The following KIF13A variants were observed in gnomAD, a reference collection of about 807,000 sequenced individuals.
The protein encoded by KIF13A is kinesin-like protein KIF13A.
Under a neutral mutation model 212.2 loss-of-function variants are expected in KIF13A, and 79 were observed. The ratio of observed to expected loss-of-function variants is 0.37; its 90% CI spans 0.31 to 0.45. KIF13A has a LOEUF of 0.45. Ranked by LOEUF, KIF13A falls within the 20% of genes least tolerant of loss-of-function variation. The pLI is 1.00. For synonymous variants in KIF13A, 789 were observed against 808.6 expected (o/e 0.98, Z 0.41); for missense variants, 1,901 against 2,209.0 (o/e 0.86, Z 2.79).
rs904983311 is a variant in KIF13A at position 17,899,343 on chromosome 6, T to C, written c.147-1163A>G. Among the ~76,000 whole-genome samples the C allele has an allele frequency of 2.0e-5, 3 of 152,208 alleles. No homozygotes were observed. The highest frequency in any genetic ancestry group is 4.4e-5 in the Non-Finnish European group (3 of 68,036). On this transcript the variant is annotated intron_variant, in intron 2 of 38. Coordinates refer to ENST00000259711, the MANE Select transcript of KIF13A (RefSeq NM_022113.6). This position sits in a 1 kb window ranked among gnomAD's most constrained non-coding sequence, Gnocchi z 5.2. The stretch of plus-strand genomic sequence containing the variant: ...AAAAGAAATGGGGGCATTTACCCCA[T>C]GGCTTTAATCATTCTTCATAGGAAA...
At position 17,951,436 on chromosome 6, in the gene KIF13A, TTA is replaced by T; in HGVS notation, c.146+35616_146+35617del. ...GTGAGCCACTGTGACCAGCCTCAAT[TTA>T]AAAAAAAAAAAAAAACAGCTTTAAG... On this transcript the variant is annotated intron_variant, in intron 2 of 38. Coordinates refer to ENST00000259711, the MANE Select transcript of KIF13A (RefSeq NM_022113.6). The surrounding 1 kb of genome is among the most constrained non-coding windows in gnomAD (Gnocchi z 4.9). 12 of 537,790 alleles carry T rather than the reference TTA, an allele frequency of 2.2e-5. No homozygotes were observed. Among genetic ancestry groups the T allele is most frequent in the South Asian group, 7.4e-5 (3 of 40,800 alleles). 33.3% of individuals were successfully genotyped at this position (537,790 alleles called of 1,614,324 possible).
chr6:17,804,527 G>A lies in KIF13A; in HGVS notation c.2305-17C>T. ...TCTCTTTGCCTGAGAAGTAGGAGGG[G>A]CCAGTGAGTGGACGAATAAGAAACA... is the stretch of plus-strand genomic sequence containing the variant. On this transcript the variant is annotated splice_polypyrimidine_tract_variant and intron_variant, in intron 19 of 38. Transcript: ENST00000259711. 4 of 1,563,972 alleles carry A rather than the reference G, an allele frequency of 2.6e-6. No homozygotes were observed. Among genetic ancestry groups the A allele is most frequent in the Non-Finnish European group, 3.5e-6 (4 of 1,152,624 alleles).
rs1203115272 is a variant in KIF13A at position 17,829,813 on chromosome 6, TA to T, written c.1401+1287del. Among the ~76,000 whole-genome samples, 23 of 152,240 alleles carry T rather than the reference TA, an allele frequency of 1.5e-4. No homozygotes were observed. The highest frequency in any genetic ancestry group is 1.5e-3 in the Admixed American group (23 of 15,290). On this transcript the variant is annotated intron_variant, in intron 13 of 38. Transcript: ENST00000259711. This position sits in a 1 kb window ranked among gnomAD's most constrained non-coding sequence, Gnocchi z 5.4. ...GCTATTTGTACCAAATTTACACCTC[TA>T]GGAAAAGTAGAAGGTGAGGCTCCTT...
rs1776281410 is a variant in KIF13A, at chr6:17,934,458, T to C, written c.147-36278A>G. 6.6e-6 allele frequency among the ~76,000 whole-genome samples: 1 copy of C among 151,962 alleles called. No homozygotes were observed. Among genetic ancestry groups the C allele is most frequent in the Non-Finnish European group, 1.5e-5 (1 of 67,982 alleles). ...TATTCCAGCAGGTAGTATTCTAAAA[T>C]CATAAATACAGAATCCCCAATAATA... On this transcript the variant is annotated intron_variant, in intron 2 of 38. Transcript: ENST00000259711. The surrounding 1 kb of genome is among the most constrained non-coding windows in gnomAD (Gnocchi z 5.4).
chr6:17,908,673 T>C (rs904209684), intron 2 of KIF13A, among the ~76,000 whole-genome samples: 2 of 151,466 alleles, frequency 1.3e-5, no homozygotes, highest in Non-Finnish European at 2.9e-5. Flanking sequence ...ATATGCCTTC[T>C]TAAAAAAAAA....
chr6:17,879,053 T>G (rs575296365), intron 3 of KIF13A, among the ~76,000 whole-genome samples: 1 of 152,368 alleles, frequency 6.6e-6, no homozygotes, highest in Non-Finnish European at 1.5e-5. Flanking sequence ...GAAATCTACA[T>G]GATTTCCCTA....
intron 9 of KIF13A, among the ~76,000 whole-genome samples, chr6:17,846,018 T>C (rs1230993079): frequency 6.6e-6 from 1 of 151,536 alleles, no homozygotes; most frequent in African/African-American, 2.4e-5. Context: ...ATGTCAGAGA[T>C]TTCTTTAGTT....
At chr6:17,928,520 G>A (rs1775694241) in intron 2 of KIF13A, among the ~76,000 whole-genome samples, 1 of 152,138 alleles carries the variant, frequency 6.6e-6, no homozygotes, top group Non-Finnish European at 1.5e-5. Flanking sequence ...ATGGACCAAA[G>A]TGCTGCAAAG....
Position 17,769,789 on chromosome 6 carries a change from G to A in KIF13A, c.4581+1325C>T, listed in dbSNP as rs1174700243. ...TCATTTGGCCTTTTTAGCCCACACT[G>A]CAGCCCTTATTAATTGAGCAGAGGG... On this transcript the variant is annotated intron_variant, in intron 38 of 38. Transcript: ENST00000259711. This position sits in a 1 kb window ranked among gnomAD's most constrained non-coding sequence, Gnocchi z 5.8. Among the ~76,000 whole-genome samples, 1 of 152,162 alleles carries A rather than the reference G, an allele frequency of 6.6e-6. No individual in the cohort carries two copies. The highest frequency in any genetic ancestry group is 2.4e-5 in the African/African-American group (1 of 41,428).
At chr6:17,807,836 C>G (rs1321878978) in intron 18 of KIF13A, among the ~76,000 whole-genome samples, 1 of 152,192 alleles carries the variant, frequency 6.6e-6, no homozygotes, top group African/African-American at 2.4e-5. Context: ...TCTTTGTACT[C>G]TTTCTCTTTA....
At chr6:17,948,575 T>TTC (rs1167807772) in intron 2 of KIF13A, among the ~76,000 whole-genome samples, 1 of 145,624 alleles carries the variant, frequency 6.9e-6, no homozygotes, top group East Asian at 2.0e-4. Context: ...TTTTTTTTTT[T>TTC]TTTTTTGAGA....
chr6:17,791,770 C>T (rs537395587), intron 25 of KIF13A, among the ~76,000 whole-genome samples: 58 of 150,504 alleles, frequency 3.9e-4, no homozygotes, highest in Non-Finnish European at 5.6e-4. Context: ...TGTGGTGGTG[C>T]GGGCCTGTAA....
rs1370803361 is a variant in KIF13A at position 17,892,744 on chromosome 6, G to A, written c.159+5424C>T. 6.6e-6 allele frequency among the ~76,000 whole-genome samples: 1 copy of A among 152,354 alleles called. No homozygotes were observed. The highest frequency in any genetic ancestry group is 2.4e-5 in the African/African-American group (1 of 41,582). ...ACTACAAGGATGGGAGAGCATCTGGGTTGCTGAACACAAGAAGGTACTGGA... is the reference window on the plus strand; with the variant it reads ...ACTACAAGGATGGGAGAGCATCTGGATTGCTGAACACAAGAAGGTACTGGA... On this transcript the variant is annotated intron_variant, in intron 3 of 38. Transcript: ENST00000259711. The surrounding 1 kb of genome is among the most constrained non-coding windows in gnomAD (Gnocchi z 4.7).
rs1277150364 is a variant in KIF13A, at chr6:17,779,083, T to C, written c.3956A>G (p.Glu1319Gly). Residue 1319 changes from glutamate to glycine, a missense_variant, in exon 33 of 39, where the codon GAG becomes GGG. Glu to Gly is a moderately conservative substitution (Grantham distance 98). This residue lies in a region of KIF13A where 687 missense variants were observed against 759.1 expected (regional missense o/e 0.90). Coordinates refer to ENST00000259711, the MANE Select transcript of KIF13A (RefSeq NM_022113.6). ...CAGGAGAGCCAGCGTTTCCCGGTCCTCTATCTCCTCAGTTGCCTACGAGGA... is the reference window on the plus strand; with the variant it reads ...CAGGAGAGCCAGCGTTTCCCGGTCCCCTATCTCCTCAGTTGCCTACGAGGA... The part of the protein sequence containing the change: ...SNIPKATEEI[E>G]DRETLALLAA... 1 of 1,613,662 alleles carries C rather than the reference T, an allele frequency of 6.2e-7. No homozygotes were observed. The highest frequency in any genetic ancestry group is 1.7e-5 in the Admixed American group (1 of 59,966).
intron 2 of KIF13A, among the ~76,000 whole-genome samples, chr6:17,976,060 A>G (rs1780415114): frequency 6.6e-6 from 1 of 152,170 alleles, no homozygotes; most frequent in Non-Finnish European, 1.5e-5. Context: ...CGATTGGTGT[A>G]TTTACAGTCC....
intron 2 of KIF13A, among the ~76,000 whole-genome samples, chr6:17,964,094 G>A (rs1309355913): frequency 2.0e-5 from 3 of 152,004 alleles, no homozygotes; most frequent in Non-Finnish European, 4.4e-5. Flanking sequence ...CTCCAGTCTG[G>A]GTGACAGAGT....
chr6:17,864,677 A>C (rs1769186456), intron 4 of KIF13A, among the ~76,000 whole-genome samples: 1 of 152,036 alleles, frequency 6.6e-6, no homozygotes, highest in Non-Finnish European at 1.5e-5. Context: ...TTTATTTTTT[A>C]GTAGAGATAA....
chr6:17,892,499 G>A lies in KIF13A; in HGVS notation c.159+5669C>T, dbSNP rs1417825399. On this transcript the variant is annotated intron_variant, in intron 3 of 38. Coordinates refer to ENST00000259711, the MANE Select transcript of KIF13A (RefSeq NM_022113.6). The surrounding 1 kb of genome is among the most constrained non-coding windows in gnomAD (Gnocchi z 4.7). ...CAGCTGGGTGATACATCACTGTGCAGTGATAAGAGTGTCTTTTGTATGCTA... is the reference window on the plus strand; with the variant it reads ...CAGCTGGGTGATACATCACTGTGCAATGATAAGAGTGTCTTTTGTATGCTA... 6.6e-6 allele frequency among the ~76,000 whole-genome samples: 1 copy of A among 152,250 alleles called. No homozygotes were observed. The highest frequency in any genetic ancestry group is 1.5e-5 in the Non-Finnish European group (1 of 68,044).
chr6:17,865,494 G>GC (rs1769273630), intron 4 of KIF13A, among the ~76,000 whole-genome samples: 1 of 152,164 alleles, frequency 6.6e-6, no homozygotes, highest in African/African-American at 2.4e-5. Context: ...CCTGGACAGC[G>GC]CAAGACCAGA....
Sources: gnomAD v4.1 joint callset for allele counts (sites outside exome capture counted in the v4.1 genomes callset) on GRCh38, gnomAD v4.1.1 for gene constraint, gnomAD v4.1.1 regional missense constraint, Gnocchi (gnomAD v3.1) non-coding constraint, MANE v1.5 for transcripts, NCBI Gene and HGNC (gene_info 2026-07-23, HGNC 2026-07-21) for gene names.